Variants in IQCK observed in about 807,000 individuals in gnomAD.
The protein encoded by IQCK is IQ domain-containing protein K.
A neutral mutation model predicts 28.1 loss-of-function variants in IQCK; 29 were observed. The ratio of observed to expected loss-of-function variants is 1.03; its 90% CI spans 0.77 to 1.41. The LOEUF is 1.41. Among genes scored for constraint, IQCK ranks in the 40% most tolerant of loss-of-function variants. The pLI is 0.00. For synonymous variants in IQCK, 113 were observed against 115.1 expected (o/e 0.98, Z 0.12); for missense variants, 359 against 314.7 (o/e 1.14, Z -1.07).
At chr16:19,728,393 G>A (rs928868953) in intron 1 of IQCK, among the ~76,000 whole-genome samples, 4 of 152,120 alleles carry the variant, frequency 2.6e-5, no homozygotes, top group African/African-American at 9.7e-5. Flanking sequence ...GGGATTATAA[G>A]TGCCTGCCAC....
chr16:19,828,199 A>AGC (rs767580631), downstream of IQCK, among the ~76,000 whole-genome samples: 39 of 148,890 alleles, frequency 2.6e-4, no homozygotes, highest in Admixed American at 6.7e-4. Flanking sequence ...GGCATGAGCC[A>AGC]GCGCGCCTGG....
intron 4 of IQCK, chr16:19,761,139 C>CTTAA: frequency 3.5e-6 from 1 of 287,728 alleles, no homozygotes; most frequent in South Asian, 3.2e-5. Context: ...ATGCCTTAAC[C>CTTAA]GTCTGGGAAT....
At chr16:19,856,590 C>T (rs1252742848) in exon 10 of IQCK, 1 of 1,529,944 alleles carries the variant, frequency 6.5e-7, no homozygotes, top group Admixed American at 1.7e-5. Flanking sequence ...GCACAAGTTA[C>T]CTTGTGCAAG....
chr16:19,782,699 G>A (rs1041152397), intron 6 of IQCK, among the ~76,000 whole-genome samples: 17 of 152,122 alleles, frequency 1.1e-4, no homozygotes, highest in Non-Finnish European at 2.2e-4. Flanking sequence ...TCAATCTCAA[G>A]CAAGCTTTCT....
chr16:19,840,774 T>C (rs1381687181), intron 9 of IQCK, among the ~76,000 whole-genome samples: 1 of 152,162 alleles, frequency 6.6e-6, no homozygotes, highest in African/African-American at 2.4e-5. Context: ...GAGTCCTCCC[T>C]CTCTCTCTCC....
chr16:19,723,341 C>T (rs373099164), intron 1 of IQCK, among the ~76,000 whole-genome samples: 1 of 152,280 alleles, frequency 6.6e-6, no homozygotes, highest in East Asian at 1.9e-4. Flanking sequence ...AGCTTCTTAA[C>T]GTCCCATCTC....
At chr16:19,767,132 A>C (rs893891711) in intron 6 of IQCK, among the ~76,000 whole-genome samples, 1 of 152,176 alleles carries the variant, frequency 6.6e-6, no homozygotes, top group African/African-American at 2.4e-5. Context: ...GCATACAGGC[A>C]GGCAGGTTGT....
At chr16:19,783,342 AAAG>A (rs1278364466) in intron 6 of IQCK, among the ~76,000 whole-genome samples, 4 of 152,064 alleles carry the variant, frequency 2.6e-5, no homozygotes, top group African/African-American at 4.8e-5. Context: ...TTTGAGAAAA[AAAG>A]GAGGAGGACA....
chr16:19,741,489 G>C (rs1425296024), intron 4 of IQCK, among the ~76,000 whole-genome samples: 1 of 152,114 alleles, frequency 6.6e-6, no homozygotes, highest in East Asian at 1.9e-4. Flanking sequence ...GAAAGAACCA[G>C]ATAAATTTCT....
intron 9 of IQCK, among the ~76,000 whole-genome samples, chr16:19,835,315 TA>T (rs571649903): frequency 1.3e-5 from 2 of 152,112 alleles, no homozygotes; most frequent in Non-Finnish European, 2.9e-5. Flanking sequence ...TATATATTTA[TA>T]AACATGTAAC....
At chr16:19,773,697 G>A (rs540286685) in intron 6 of IQCK, among the ~76,000 whole-genome samples, 1 of 152,310 alleles carries the variant, frequency 6.6e-6, no homozygotes, top group Admixed American at 6.5e-5. Context: ...AAAAACAGGT[G>A]GTGGGCCAGA....
In IQCK at chr16:19,730,113, GC is replaced by G. The variant is rs571624610; in HGVS notation, c.182-314del. 2.8e-4 allele frequency among the ~76,000 whole-genome samples: 42 copies of G among 152,012 alleles called. 1 individual carries two copies. In the South Asian group the frequency reaches 8.5e-3, roughly 31 times the overall value. Reference sequence around the variant, plus strand: ...TGTGATTACAGGCACCAGCCACCACGCCCAGCTAATTTTTGTATTTTTAGTA... The same window carrying G: ...TGTGATTACAGGCACCAGCCACCACGCCAGCTAATTTTTGTATTTTTAGTA... On this transcript the variant is annotated intron_variant, in intron 1 of 7. Coordinates refer to ENST00000564186, the Ensembl canonical transcript of IQCK.
At chr16:19,761,174 T>G in intron 4 of IQCK, 1 of 330,402 alleles carries the variant, frequency 3.0e-6, no homozygotes, top group Non-Finnish European at 6.0e-6. Flanking sequence ...CTCAGCCTCA[T>G]TTTACCCAGC....
At chr16:19,730,368 G>T (rs1186871089) in intron 1 of IQCK, 62 bp from the exon 2 acceptor site, 5 of 1,285,158 alleles carry the variant, frequency 3.9e-6, no homozygotes, top group Non-Finnish European at 5.4e-6. Context: ...CAGGGAGAAG[G>T]AAATTACACC....
intron 4 of IQCK, 126 bp from the exon 5 acceptor site, chr16:19,763,722 C>G (rs906491150): frequency 1.4e-6 from 1 of 722,164 alleles, no homozygotes; most frequent in Admixed American, 2.3e-5. Context: ...GGATTACAGG[C>G]GTGAGCCACC....
intron 6 of IQCK, among the ~76,000 whole-genome samples, chr16:19,776,627 G>A (rs56265490): frequency 0.15 from 22,779 of 152,112 alleles, 1,929 homozygotes; most frequent in South Asian, 0.27. Context: ...CAGAATTGCC[G>A]GAACCCGAGA....
chr16:19,798,294 T>A (rs2055714215), intron 7 of IQCK, among the ~76,000 whole-genome samples: 1 of 102,330 alleles, frequency 9.8e-6, no homozygotes. Context: ...GGCGGGTGCC[T>A]GTAATCCCAG....
chr16:19,837,136 C>A (rs548723081), intron 9 of IQCK, among the ~76,000 whole-genome samples: 40 of 152,270 alleles, frequency 2.6e-4, no homozygotes, highest in African/African-American at 9.6e-4. Context: ...TGCAGTCACT[C>A]ATGCCTGTAA....
intron 1 of IQCK, among the ~76,000 whole-genome samples, chr16:19,728,093 G>A (rs1008164450): frequency 2.0e-5 from 3 of 149,862 alleles, no homozygotes; most frequent in Non-Finnish European, 4.4e-5. Context: ...TCAGATTCAA[G>A]CAGAAGAGAT....
Sources: gnomAD v4.1 joint callset for allele counts (sites outside exome capture counted in the v4.1 genomes callset) on GRCh38, gnomAD v4.1.1 for gene constraint, MANE v1.5 for transcripts, NCBI Gene and HGNC (gene_info 2026-07-23, HGNC 2026-07-21) for gene names.